TMC7: variants seen among roughly 807,000 people sequenced by gnomAD.
The protein encoded by TMC7 is transmembrane channel-like protein 7.
In TMC7, 54 loss-of-function variants were observed where a neutral mutation model predicts 82.9. That is an observed-to-expected ratio of 0.65 (90% CI 0.52 to 0.82). TMC7 has a LOEUF of 0.82. Ranked by LOEUF, TMC7 falls within the 40% of genes least tolerant of loss-of-function variation. The pLI is 0.00. For missense variants in TMC7, 820 were observed against 901.2 expected (o/e 0.91, Z 1.15); for synonymous variants, 350 against 337.9 (o/e 1.04, Z -0.39).
At chr16:19,030,401 A>C (rs1596765633) in intron 6 of TMC7, 32 bp downstream of exon 6, 1 of 1,588,996 alleles carries the variant, frequency 6.3e-7, no homozygotes, top group South Asian at 1.2e-5. Flanking sequence ...TCTCTGAATT[A>C]CCCCTGATGG....
chr16:19,009,298 C>T lies in TMC7; in HGVS notation c.194C>T (p.Thr65Ile), dbSNP rs751655491. 6.2e-7 allele frequency: 1 copy of T among 1,614,216 alleles called. No individual in the cohort carries two copies. The highest frequency in any genetic ancestry group is 1.1e-5 in the South Asian group (1 of 91,084). The change falls in exon 2 of 16, where the codon ACT becomes ATT. Residue 65 changes from threonine (T) to isoleucine (I), a missense_variant. This residue lies in a region of TMC7 where 650 missense variants were observed against 669.9 expected (regional missense o/e 0.97). Coordinates refer to ENST00000304381, the MANE Select transcript of TMC7 (RefSeq NM_024847.4). ...CATTCCCGGGACAAGCAAAGCGGAA[C>T]TTTGCTAAAGCCAACCGACTCTTAC... The part of the protein sequence containing the change: ...TVHSRDKQSG[T>I]LLKPTDSYSS...
chr16:19,007,574 C>G (rs1454414789), intron 1 of TMC7, among the ~76,000 whole-genome samples: 1 of 152,160 alleles, frequency 6.6e-6, no homozygotes, highest in Admixed American at 6.5e-5. Flanking sequence ...TCACCCCTTC[C>G]CTTCATTCAG....
chr16:19,015,269 G>GTT (rs60420228), intron 2 of TMC7, among the ~76,000 whole-genome samples: 4 of 142,698 alleles, frequency 2.8e-5, no homozygotes, highest in African/African-American at 5.1e-5. Flanking sequence ...TGGCCTCCTT[G>GTT]TTTTTTTTTT....
intron 5 of TMC7, among the ~76,000 whole-genome samples, chr16:19,029,263 C>T (rs564055120): frequency 1.1e-4 from 16 of 152,238 alleles, no homozygotes; most frequent in South Asian, 4.1e-4. Context: ...CCTCGGCCTC[C>T]CAAAGTGCTG....
At chr16:19,056,773 T>C (rs994582783) in intron 14 of TMC7, 76 bp downstream of exon 14, 83 of 1,523,964 alleles carry the variant, frequency 5.4e-5, no homozygotes, top group Non-Finnish European at 7.3e-5. Flanking sequence ...CGGGGCGGGG[T>C]CACCCTAGAC....
chr16:19,024,282 G>C (rs780633025), intron 5 of TMC7, among the ~76,000 whole-genome samples: 1 of 152,052 alleles, frequency 6.6e-6, no homozygotes, highest in Non-Finnish European at 1.5e-5. Flanking sequence ...TTAGCTGGGC[G>C]TGGTGGCGTG....
In TMC7 at chr16:19,051,770, A is replaced by G; in HGVS notation, c.1825A>G (p.Ile609Val). Reference sequence around the variant, plus strand: ...TTTCTTCTTCCTGTTGGTGTTGTTGATCGGGCTGTGTTTGGCAATAATACC... The same window carrying G: ...TTTCTTCTTCCTGTTGGTGTTGTTGGTCGGGCTGTGTTTGGCAATAATACC... ...SNFFFLLVLLIGLCLAIIPLT... is the reference protein window; with the variant it reads ...SNFFFLLVLLVGLCLAIIPLT... Residue 609 changes from isoleucine (I) to valine (V), a missense_variant, in exon 13 of 16, where the codon ATC becomes GTC. Physicochemically the swap from Ile to Val is conservative, Grantham distance 29. Coordinates refer to ENST00000304381, the MANE Select transcript of TMC7 (RefSeq NM_024847.4). 6.2e-7 allele frequency: 1 copy of G among 1,613,894 alleles called. No individual in the cohort carries two copies. Among genetic ancestry groups the G allele is most frequent in the African/African-American group, 1.3e-5 (1 of 74,950 alleles).
chr16:19,047,315 T>C, intron 12 of TMC7, 66 bp downstream of exon 12: 1 of 1,409,356 alleles, frequency 7.1e-7, no homozygotes, highest in East Asian at 2.3e-5. Context: ...GGCACCAATA[T>C]GTCTGGAGCT....
chr16:19,038,769 T>C (rs570941059), intron 8 of TMC7, among the ~76,000 whole-genome samples: 19 of 151,078 alleles, frequency 1.3e-4, no homozygotes, highest in Admixed American at 1.3e-4. Context: ...CCACCCACCT[T>C]GGCCTCCCAA....
intron 5 of TMC7, among the ~76,000 whole-genome samples, chr16:19,023,445 TTTA>T (rs1960077415): frequency 6.6e-6 from 1 of 152,100 alleles, no homozygotes; most frequent in African/African-American, 2.4e-5. Flanking sequence ...TTTCTTTTTA[TTTA>T]TTATTATTAT....
At position 19,061,872 on chromosome 16, in the gene TMC7, T is replaced by C. The variant is rs982588397; in HGVS notation, c.*29T>C. The C allele has an allele frequency of 3.7e-6, 6 of 1,603,458 alleles. No homozygotes were observed. In the South Asian group the frequency reaches 6.7e-5, roughly 18 times the overall value. ...GACTGAGCGTGAAGATGGTGCTGCC[T>C]GTTGCTTCTAAGCTGACCTAGTGAT... On this transcript the variant is annotated 3_prime_UTR_variant, in exon 16 of 16. Coordinates refer to ENST00000304381, the MANE Select transcript of TMC7 (RefSeq NM_024847.4).
At chr16:19,027,862 G>GAC (rs150866708) in intron 5 of TMC7, among the ~76,000 whole-genome samples, 51 of 151,150 alleles carry the variant, frequency 3.4e-4, no homozygotes, top group East Asian at 1.9e-3. Context: ...GTTTTAAGAA[G>GAC]ACACACACAC....
Position 19,016,448 on chromosome 16 carries a change from A to C in TMC7, c.312-2A>C. On this transcript the variant is annotated splice_acceptor_variant, in intron 2 of 15. Transcript: ENST00000304381. LOFTEE classifies it high-confidence loss of function. ...ATTGTCATGATCATGTTTTCCATGCAGGGACATTCAAGAGACACAAATGAA... is the reference window on the plus strand; with the variant it reads ...ATTGTCATGATCATGTTTTCCATGCCGGGACATTCAAGAGACACAAATGAA... 5 of 1,614,044 alleles carry C rather than the reference A, an allele frequency of 3.1e-6. No homozygotes were observed. Among genetic ancestry groups the C allele is most frequent in the Non-Finnish European group, 4.2e-6 (5 of 1,179,956 alleles).
chr16:19,058,074 C>G (rs1961850175), intron 14 of TMC7, among the ~76,000 whole-genome samples: 1 of 151,914 alleles, frequency 6.6e-6, no homozygotes, highest in Admixed American at 6.6e-5. Flanking sequence ...TCTACTACAC[C>G]TGGATTTGAT....
At chr16:19,005,685 CAA>C (rs976389358) in intron 1 of TMC7, among the ~76,000 whole-genome samples, 10 of 152,318 alleles carry the variant, frequency 6.6e-5, no homozygotes, top group African/African-American at 2.4e-4. Flanking sequence ...GTTCTATATT[CAA>C]AGACCTTTGT....
intron 9 of TMC7, among the ~76,000 whole-genome samples, chr16:19,042,164 T>C (rs924963356): frequency 1.3e-5 from 2 of 152,002 alleles, no homozygotes; most frequent in African/African-American, 4.8e-5. Flanking sequence ...GTTCGCTCTT[T>C]CCCCCATTCT....
intron 10 of TMC7, 50 bp downstream of exon 10, chr16:19,045,051 A>G (rs1961205333): frequency 7.2e-7 from 1 of 1,394,878 alleles, no homozygotes; most frequent in Non-Finnish European, 1.0e-6. Context: ...TCTGGAATAC[A>G]GTGTCATGGT....
At chr16:19,033,174 T>C (rs959004907) in intron 6 of TMC7, among the ~76,000 whole-genome samples, 2 of 152,156 alleles carry the variant, frequency 1.3e-5, no homozygotes, top group Admixed American at 6.6e-5. Context: ...ATCTGTGAAA[T>C]GTGCATCCTG....
In TMC7 at chr16:19,030,381, C is replaced by CT. The variant is rs1394852458; in HGVS notation, c.857+15dup. ...TGGATAGTGAAAAGGTAAAGTCTGC[C>CT]TTTGCATTCTCTCTGAATTACCCCT... On this transcript the variant is annotated intron_variant, in intron 6 of 15. Coordinates refer to ENST00000304381, the MANE Select transcript of TMC7 (RefSeq NM_024847.4). The CT allele has an allele frequency of 3.1e-6, 5 of 1,602,692 alleles. No individual in the cohort carries two copies. The highest frequency in any genetic ancestry group is 4.3e-6 in the Non-Finnish European group (5 of 1,175,524).
Sources: gnomAD v4.1 joint callset for allele counts (sites outside exome capture counted in the v4.1 genomes callset) on GRCh38, gnomAD v4.1.1 for gene constraint, gnomAD v4.1.1 regional missense constraint, MANE v1.5 for transcripts, NCBI Gene and HGNC (gene_info 2026-07-23, HGNC 2026-07-21) for gene names.